Variants in STRIP2 observed in about 807,000 individuals in gnomAD.
STRIP2 encodes the protein striatin interacting protein 2, also known as striatin-interacting protein 2.
Under a neutral mutation model 107.1 loss-of-function variants are expected in STRIP2, and 84 were observed. That is an observed-to-expected ratio of 0.78 (90% CI 0.66 to 0.94). The LOEUF (loss-of-function observed/expected upper bound fraction) is 0.94, where lower values mean the gene tolerates loss of function less well. Ranked by LOEUF, STRIP2 falls within the 40% of genes least tolerant of loss-of-function variation. The probability of loss-of-function intolerance (pLI) is 0.00; values close to 1 mark genes in which losing one functional copy is unlikely to be tolerated. For missense variants in STRIP2, 888 were observed against 1,034.2 expected (o/e 0.86, Z 1.94); for synonymous variants, 394 against 400.4 (o/e 0.98, Z 0.19).
chr7:129,463,121 C>T (rs2151006506), intron 14 of STRIP2, 81 bp downstream of exon 14: 2 of 1,152,512 alleles, frequency 1.7e-6, no homozygotes, highest in East Asian at 2.4e-5. Context: ...TGGACCTGTC[C>T]AACACTTGAG....
chr7:129,480,685 A>C lies in STRIP2; in HGVS notation c.1945-100A>C, dbSNP rs1473221971. 4.6e-6 allele frequency: 4 copies of C among 866,034 alleles called. No individual in the cohort carries two copies. The African/African-American group carries it at 6.9e-5, about 15-fold the overall frequency. 53.6% of individuals were successfully genotyped at this position (866,034 alleles called of 1,614,324 possible). A position where few individuals can be genotyped will look rare whatever the true frequency, so the allele number is the denominator to read the frequency against. Reference sequence around the variant, plus strand: ...AAGGTGAGGAGGTATTATTTCATACAGGAAGGCCTCACCTAAACTGACCAA... The same window carrying C: ...AAGGTGAGGAGGTATTATTTCATACCGGAAGGCCTCACCTAAACTGACCAA... On this transcript the variant is annotated intron_variant, in intron 18 of 20. Transcript: ENST00000249344.
At chr7:129,451,540 A>T in intron 3 of STRIP2, 73 bp from the exon 4 acceptor site, 4 of 1,562,666 alleles carry the variant, frequency 2.6e-6, no homozygotes, top group Non-Finnish European at 3.5e-6. Flanking sequence ...TCAGAGGTGG[A>T]TATGCTATGA....
intron 8 of STRIP2, among the ~76,000 whole-genome samples, 166 bp downstream of exon 8, chr7:129,455,537 G>A (rs1202507340): frequency 6.6e-6 from 1 of 152,216 alleles, no homozygotes; most frequent in African/African-American, 2.4e-5. Flanking sequence ...GACATCAGAT[G>A]TTCTATGTTA....
intron 3 of STRIP2, among the ~76,000 whole-genome samples, chr7:129,444,307 A>C (rs1797978565): frequency 6.6e-6 from 1 of 152,216 alleles, no homozygotes; most frequent in Admixed American, 6.5e-5. Flanking sequence ...ACAAGGTCCC[A>C]TAATAGGCTG....
chr7:129,472,776 C>CTTTTTTTTTTTT (rs1798822125), intron 18 of STRIP2, among the ~76,000 whole-genome samples: 4 of 78,264 alleles, frequency 5.1e-5, no homozygotes, highest in East Asian at 3.5e-4. Context: ...TTTTCTTTTC[C>CTTTTTTTTTTTT]TTTTTTTTTT....
chr7:129,457,971 G>C, intron 9 of STRIP2: 1 of 517,510 alleles, frequency 1.9e-6, no homozygotes, highest in South Asian at 2.0e-5. Flanking sequence ...CTAAGTAATT[G>C]TGACTTTGGG....
chr7:129,487,336 C>T lies in STRIP2; in HGVS notation c.*1507C>T, dbSNP rs184965128. The T allele has an allele frequency of 3.9e-5, 6 of 152,166 alleles. No individual in the cohort carries two copies. In the East Asian group the frequency reaches 1.2e-3, roughly 29 times the overall value. The allele number at this position is 152,166 out of a possible 1,614,324, so 9.4% of individuals were successfully genotyped here. A position where few individuals can be genotyped will look rare whatever the true frequency, so the allele number is the denominator to read the frequency against. ...AGCCTCTTCAAGCTTTTTTACTATA[C>T]ATGTTGCCCCTCTCCCCCAACTTAG... On this transcript the variant is annotated 3_prime_UTR_variant, in exon 21 of 21. Coordinates refer to ENST00000249344, the MANE Select transcript of STRIP2 (RefSeq NM_020704.3).
chr7:129,460,155 CTCCT>C, intron 12 of STRIP2, 142 bp from the exon 13 acceptor site: 1 of 628,750 alleles, frequency 1.6e-6, no homozygotes, highest in Non-Finnish European at 2.7e-6. Context: ...GTGATTAAGA[CTCCT>C]TCCTTGAAAG....
chr7:129,467,374 G>C lies in STRIP2; in HGVS notation c.1801G>C (p.Val601Leu), dbSNP rs201889907. 1 of 1,613,352 alleles carries C rather than the reference G, an allele frequency of 6.2e-7. No individual in the cohort carries two copies. The highest frequency in any genetic ancestry group is 2.2e-5 in the East Asian group (1 of 44,858). Residue 601 changes from valine to leucine, a missense_variant, in exon 17 of 21, where the codon GTA (valine) becomes CTA (leucine). Transcript: ENST00000249344. Reference protein sequence around the residue: ...YQFEYVSQHLVFANCIPLILK... With the variant: ...YQFEYVSQHLLFANCIPLILK... ...GTTTGAATATGTATCGCAACATTTGGTATTTGCCAACTGCATCCCCTTGAT... is the reference window on the plus strand; with the variant it reads ...GTTTGAATATGTATCGCAACATTTGCTATTTGCCAACTGCATCCCCTTGAT...
chr7:129,446,060 T>C (rs1339816704), intron 3 of STRIP2, among the ~76,000 whole-genome samples: 1 of 152,154 alleles, frequency 6.6e-6, no homozygotes, highest in Non-Finnish European at 1.5e-5. Context: ...AATTGGGCAC[T>C]CAGCAGTGGC....
chr7:129,459,851 C>T (rs1030523877), intron 12 of STRIP2, among the ~76,000 whole-genome samples: 6 of 151,992 alleles, frequency 3.9e-5, no homozygotes, highest in African/African-American at 1.2e-4. Context: ...TTCCTTGCTT[C>T]TTTTTCTTTC....
At chr7:129,479,589 A>C (rs563836777) in intron 18 of STRIP2, among the ~76,000 whole-genome samples, 35 of 150,704 alleles carry the variant, frequency 2.3e-4, no homozygotes, top group African/African-American at 7.8e-4. Context: ...TCCTGGGTTC[A>C]AGTGATTCTC....
At position 129,483,017 on chromosome 7, in the gene STRIP2, G is replaced by T. The variant is rs372192438; in HGVS notation, c.2225G>T (p.Arg742Leu). ...GCCATTTACCAGAAAGTGCGTCACC[G>T]CATGAACGATGACTGGGCTTACGGG... Reference protein sequence around the residue: ...MSAIYQKVRHRMNDDWAYGND... With the variant: ...MSAIYQKVRHLMNDDWAYGND... Residue 742 changes from arginine to leucine, a missense_variant, in exon 20 of 21, where the codon CGC becomes CTC. Transcript: ENST00000249344. The surrounding 1 kb of genome is among the most constrained non-coding windows in gnomAD (Gnocchi z 5.1). 13 of 1,614,060 alleles carry T rather than the reference G, an allele frequency of 8.1e-6. No individual in the cohort carries two copies. The highest frequency in any genetic ancestry group is 1.7e-5 in the Admixed American group (1 of 60,006).
At chr7:129,468,441 C>A (rs542878856) in intron 17 of STRIP2, among the ~76,000 whole-genome samples, 4 of 152,294 alleles carry the variant, frequency 2.6e-5, no homozygotes, top group African/African-American at 9.6e-5. Context: ...GAAACTGTTT[C>A]TCTGAACCAC....
Position 129,458,317 on chromosome 7 carries a change from G to A in STRIP2, c.1141G>A (p.Gly381Arg). ...TEEEEESAGD[G>R]ERTLDGELDL... is the part of the protein sequence containing the mutation. ...GGAGGAAGAGGAGTCTGCTGGTGAT[G>A]GAGAACGAACCTTGGATGGAGAGCT... Residue 381 changes from glycine (G) to arginine (R), a missense_variant, in exon 10 of 21, where the codon GGA becomes AGA. Transcript: ENST00000249344. The surrounding 1 kb of genome is among the most constrained non-coding windows in gnomAD (Gnocchi z 4.6). The A allele has an allele frequency of 6.2e-7, 1 of 1,614,212 alleles. No homozygotes were observed. The highest frequency in any genetic ancestry group is 8.5e-7 in the Non-Finnish European group (1 of 1,180,034).
rs750761441 is a variant in STRIP2 at position 129,464,705 on chromosome 7, C to A, written c.1743C>A (p.Leu581=). 2 of 1,614,162 alleles carry A rather than the reference C, an allele frequency of 1.2e-6. No homozygotes were observed. Among genetic ancestry groups the A allele is most frequent in the Non-Finnish European group, 1.7e-6 (2 of 1,180,022 alleles). The part of the protein sequence containing the change: ...VKSISTLLLL[L]LKHFKLNHIY... ...GTATCTCTACCCTGCTTCTGCTACTCCTCAAACACTTCAAACTCAACCATA... is the reference window on the plus strand; with the variant it reads ...GTATCTCTACCCTGCTTCTGCTACTACTCAAACACTTCAAACTCAACCATA... Residue 581 remains leucine, a synonymous_variant, in exon 16 of 21, where the codon CTC becomes CTA. Coordinates refer to ENST00000249344, the MANE Select transcript of STRIP2 (RefSeq NM_020704.3).
At chr7:129,440,931 AT>A (rs1432115525) in intron 2 of STRIP2, among the ~76,000 whole-genome samples, 1 of 152,206 alleles carries the variant, frequency 6.6e-6, no homozygotes, top group Non-Finnish European at 1.5e-5. Flanking sequence ...CAGAGAATAA[AT>A]TTTGTGATGA....
chr7:129,445,960 A>G (rs926087620), intron 3 of STRIP2, among the ~76,000 whole-genome samples: 6 of 152,182 alleles, frequency 3.9e-5, no homozygotes, highest in Non-Finnish European at 8.8e-5. Flanking sequence ...GAAGAGGTCC[A>G]ATACAATCAA....
chr7:129,477,233 G>T (rs964947975), intron 18 of STRIP2, among the ~76,000 whole-genome samples: 1 of 133,622 alleles, frequency 7.5e-6, no homozygotes, highest in South Asian at 2.5e-4. Flanking sequence ...TGTGGGGAGA[G>T]GGAGAGGGCT....
Sources: gnomAD v4.1 joint callset for allele counts (sites outside exome capture counted in the v4.1 genomes callset) on GRCh38, gnomAD v4.1.1 for gene constraint, Gnocchi (gnomAD v3.1) non-coding constraint, MANE v1.5 for transcripts, NCBI Gene and HGNC (gene_info 2026-07-23, HGNC 2026-07-21) for gene names.